IQCE: variants seen among roughly 807,000 people sequenced by gnomAD.
The protein encoded by IQCE is IQ domain-containing protein E.
A neutral mutation model predicts 96.0 loss-of-function variants in IQCE; 115 were observed. That is an observed-to-expected ratio of 1.20 (90% CI 1.03 to 1.40). The LOEUF is 1.40. Ranked by LOEUF, IQCE falls within the 40% of genes most tolerant of loss-of-function variation. IQCE has a pLI of 0.00. For missense variants in IQCE, 1,041 were observed against 909.1 expected (o/e 1.15, Z -1.87); for synonymous variants, 412 against 371.2 (o/e 1.11, Z -1.26).
In IQCE at chr7:2,559,129, A is replaced by G; in HGVS notation, c.-53A>G. 1 of 1,165,408 alleles carries G rather than the reference A, an allele frequency of 8.6e-7. No individual in the cohort carries two copies. The highest frequency in any genetic ancestry group is 1.1e-6 in the Non-Finnish European group (1 of 936,978). The allele number at this position is 1,165,408 out of a possible 1,614,324, so 72.2% of individuals were successfully genotyped here. ...GCCAGGGCTGCCCGCGGATTCCCAG[A>G]CCCGGACGCCCGAGCCAGCAACCCT... On this transcript the variant is annotated 5_prime_UTR_variant, in exon 1 of 22. Coordinates refer to ENST00000402050, the MANE Select transcript of IQCE (RefSeq NM_152558.5).
intron 13 of IQCE, among the ~76,000 whole-genome samples, chr7:2,588,346 G>C (rs1783295392): frequency 6.6e-6 from 1 of 151,572 alleles, no homozygotes; most frequent in South Asian, 2.1e-4. Context: ...TTTTGTTTTT[G>C]TTTTTGTTTT....
intron 3 of IQCE, among the ~76,000 whole-genome samples, chr7:2,570,482 G>A (rs760837366): frequency 1.3e-5 from 2 of 151,782 alleles, no homozygotes; most frequent in East Asian, 1.9e-4. Context: ...CTGTGGTCCC[G>A]GGTAAGTGAA....
chr7:2,579,185 G>A (rs1004631821), intron 8 of IQCE, among the ~76,000 whole-genome samples: 1 of 152,154 alleles, frequency 6.6e-6, no homozygotes, highest in Non-Finnish European at 1.5e-5. Context: ...AAGATGTTGC[G>A]GTTCGGTGGT....
chr7:2,608,422 C>G (rs569671558), intron 21 of IQCE, among the ~76,000 whole-genome samples: 1 of 152,216 alleles, frequency 6.6e-6, no homozygotes, highest in Non-Finnish European at 1.5e-5. Flanking sequence ...CTGGAAATAC[C>G]ACGTATGAAA....
At chr7:2,596,151 C>T (rs533360305) in intron 16 of IQCE, among the ~76,000 whole-genome samples, 146 of 152,244 alleles carry the variant, frequency 9.6e-4, no homozygotes, top group African/African-American at 3.3e-3. Flanking sequence ...CCCAGCTGCT[C>T]GGGAGGCAGC....
chr7:2,602,669 A>G (rs1784513766), intron 18 of IQCE, among the ~76,000 whole-genome samples: 1 of 152,002 alleles, frequency 6.6e-6, no homozygotes, highest in Admixed American at 6.5e-5. Context: ...TGCCCCACCC[A>G]TGTCCCCTTC....
rs775981076 is a variant in IQCE at position 2,586,225 on chromosome 7, A to C, written c.842A>C (p.Lys281Thr). ...TGTTCCAGGCCCCTGGGGGAGAAGA[A>C]GACGGGCGCCAAAAGGCAGAAGAAG... The part of the protein sequence containing the change: ...TTGKKPLGEK[K>T]TGAKRQKKMG... The change falls in exon 12 of 22, where the codon AAG (lysine) becomes ACG (threonine). Residue 281 changes from lysine (K) to threonine (T), a missense_variant. Physicochemically the swap from Lys to Thr is moderately conservative, Grantham distance 78 (BLOSUM62 -1). Transcript: ENST00000402050. 18 of 1,613,734 alleles carry C rather than the reference A, an allele frequency of 1.1e-5. No individual in the cohort carries two copies. The highest frequency in any genetic ancestry group is 1.7e-5 in the Admixed American group (1 of 59,970).
chr7:2,594,200 C>T (rs886888248), intron 15 of IQCE, among the ~76,000 whole-genome samples: 3 of 152,134 alleles, frequency 2.0e-5, no homozygotes, highest in African/African-American at 7.2e-5. Context: ...GCAGAGGTTG[C>T]AGTGAGCAGA....
intron 1 of IQCE, among the ~76,000 whole-genome samples, chr7:2,560,019 C>T (rs1420344963): frequency 2.0e-5 from 3 of 152,116 alleles, no homozygotes; most frequent in Admixed American, 2.0e-4. Context: ...ATTAGCCGAG[C>T]TGTGGTGGTG....
chr7:2,614,590 T>C lies in IQCE; in HGVS notation c.*4428T>C, dbSNP rs1785224130. On this transcript the variant is annotated 3_prime_UTR_variant, in exon 22 of 22. Coordinates refer to ENST00000402050, the MANE Select transcript of IQCE (RefSeq NM_152558.5). ...AGGAAGGAGTGGACCCGCTGGTCTT[T>C]GGCATTTTGTATTTAGAATTATTCT... 6.6e-6 allele frequency: 1 copy of C among 152,266 alleles called. No homozygotes were observed. Among genetic ancestry groups the C allele is most frequent in the Non-Finnish European group, 1.5e-5 (1 of 68,042 alleles). The allele number at this position is 152,266 out of a possible 1,614,324, so 9.4% of individuals were successfully genotyped here. A position where few individuals can be genotyped will look rare whatever the true frequency, so the allele number is the denominator to read the frequency against.
At chr7:2,559,430 G>A (rs1018895060) in intron 1 of IQCE, 33 of 293,124 alleles carry the variant, frequency 1.1e-4, no homozygotes, top group Non-Finnish European at 3.1e-5. Context: ...CTTTCGCAGA[G>A]GCCGCCGCTT....
intron 8 of IQCE, among the ~76,000 whole-genome samples, chr7:2,579,516 C>G (rs1562639906): frequency 1.3e-5 from 2 of 152,050 alleles, no homozygotes; most frequent in African/African-American, 4.8e-5. Flanking sequence ...AGAAAAAAGG[C>G]CGTGTCCTCT....
At chr7:2,586,757 G>A (rs536753458) in intron 12 of IQCE, among the ~76,000 whole-genome samples, 32 of 152,360 alleles carry the variant, frequency 2.1e-4, no homozygotes, top group African/African-American at 5.3e-4. Flanking sequence ...TGACAGCTGA[G>A]CGGGACCTGG....
Position 2,578,257 on chromosome 7 carries a change from AAGAGCGACGTGGAC to A in IQCE, c.482_495del (p.Lys161ThrfsTer48). On this transcript the variant is annotated frameshift_variant, in exon 7 of 22. Transcript: ENST00000402050. LOFTEE classifies it high-confidence loss of function. ...TTTTCTTCAGTCATTGCACGTGCAG[AAGAGCGACGTGGAC>A]CTGATGAGAACGAAGCTCCGGCGCC... 6.2e-7 allele frequency: 1 copy of A among 1,613,562 alleles called. No individual in the cohort carries two copies. The highest frequency in any genetic ancestry group is 2.2e-5 in the East Asian group (1 of 44,880).
rs1783994076 is a variant in IQCE at position 2,595,851 on chromosome 7, A to T, written c.1440+875A>T. On this transcript the variant is annotated intron_variant, in intron 16 of 21. Coordinates refer to ENST00000402050, the MANE Select transcript of IQCE (RefSeq NM_152558.5). ...GCCGGTGCTGCACTTGCTTCCCTGG[A>T]GGGTCACAGCCATGCTCTGCTCACC... Among the ~76,000 whole-genome samples the T allele has an allele frequency of 2.0e-5, 3 of 146,540 alleles. No individual in the cohort carries two copies. In the Admixed American group the frequency reaches 2.1e-4, roughly 10 times the overall value.
chr7:2,609,060 G>T (rs1784997690), intron 21 of IQCE, among the ~76,000 whole-genome samples: 1 of 152,174 alleles, frequency 6.6e-6, no homozygotes, highest in Non-Finnish European at 1.5e-5. Context: ...CGACACTCAG[G>T]CTCCCCGGCA....
intron 18 of IQCE, among the ~76,000 whole-genome samples, chr7:2,602,857 C>T (rs1200123063): frequency 2.6e-5 from 4 of 152,228 alleles, no homozygotes; most frequent in African/African-American, 4.8e-5. Context: ...CAGTGGCCTG[C>T]GCGCAGCTGC....
chr7:2,609,462 G>A (rs147898306), intron 21 of IQCE, among the ~76,000 whole-genome samples: 10 of 152,238 alleles, frequency 6.6e-5, no homozygotes, highest in East Asian at 3.9e-4. Context: ...TCCTACACAC[G>A]GGTAGCCACC....
intron 16 of IQCE, chr7:2,596,750 C>A: frequency 1.2e-5 from 4 of 334,686 alleles, no homozygotes; most frequent in South Asian, 9.6e-5. Flanking sequence ...TTGGCACAGG[C>A]CGCGGACTAA....
Sources: allele counts gnomAD v4.1 joint callset (sites outside exome capture counted in the v4.1 genomes callset), GRCh38; gene constraint gnomAD v4.1.1; transcripts MANE v1.5; gene names NCBI Gene and HGNC (gene_info 2026-07-23, HGNC 2026-07-21).